The following HPSE variants were observed in gnomAD, a reference collection of about 807,000 sequenced individuals.
HPSE encodes endo-glucoronidase.
A neutral mutation model predicts 65.1 loss-of-function variants in HPSE; 48 were observed. The ratio of observed to expected loss-of-function variants is 0.74; its 90% CI spans 0.58 to 0.94. The LOEUF is 0.94. Among genes scored for constraint, HPSE ranks in the 40% least tolerant of loss-of-function variants. The pLI, the probability that HPSE is intolerant of heterozygous loss-of-function variation, is 0.00. For missense variants in HPSE, 644 were observed against 637.5 expected (o/e 1.01, Z -0.11); for synonymous variants, 243 against 260.0 (o/e 0.93, Z 0.63).
chr4:83,310,735 T>C lies in HPSE; in HGVS notation c.829A>G (p.Lys277Glu). The C allele has an allele frequency of 1.2e-6, 2 of 1,612,288 alleles. No individual in the cohort carries two copies. Among genetic ancestry groups the C allele is most frequent in the Non-Finnish European group, 1.7e-6 (2 of 1,179,416 alleles). The change falls in exon 5 of 12, where the codon AAG becomes GAG. Residue 277 changes from lysine (K) to glutamate (E), a missense_variant. Coordinates refer to ENST00000311412, the MANE Select transcript of HPSE (RefSeq NM_001098540.3). The stretch of plus-strand genomic sequence containing the variant: ...TCTAGTTCCTACCTCTTCAGCATCT[T>C]AGCCGTCTTTCTTCGAGGCTGACCA... ...DVGQPRRKTA[K>E]MLKSFLKAGG...
intron 1 of HPSE, among the ~76,000 whole-genome samples, chr4:83,328,683 G>GCCA (rs1553921142): frequency 6.6e-6 from 1 of 152,066 alleles, no homozygotes; most frequent in Non-Finnish European, 1.5e-5. Context: ...ACAGGCTGCC[G>GCCA]AGGGGAGGGA....
rs1037514917 is a variant in HPSE at position 83,293,763 on chromosome 4, T to C, written c.*1581A>G. ...TTGTCATTAACCATTTTTTATACTA[T>C]CATATCTAACAATCTGTCCTCTCAC... On this transcript the variant is annotated 3_prime_UTR_variant, in exon 12 of 12. Transcript: ENST00000311412. The C allele has an allele frequency of 3.9e-5, 6 of 152,222 alleles. No individual in the cohort carries two copies. The highest frequency in any genetic ancestry group is 1.4e-4 in the African/African-American group (6 of 41,446). The allele number at this position is 152,222 out of a possible 1,614,324, so 9.4% of individuals were successfully genotyped here.
At chr4:83,321,350 A>G (rs1736884879) in intron 2 of HPSE, among the ~76,000 whole-genome samples, 1 of 152,250 alleles carries the variant, frequency 6.6e-6, no homozygotes, top group Non-Finnish European at 1.5e-5. Context: ...TCATAACTGG[A>G]TAAAATAAAC....
upstream of HPSE, chr4:83,334,931 C>G (rs910621541): frequency 2.4e-5 from 30 of 1,256,096 alleles, no homozygotes; most frequent in African/African-American, 4.4e-4. Flanking sequence ...GCCCTCCATC[C>G]CTCCCACTCC....
intron 9 of HPSE, among the ~76,000 whole-genome samples, chr4:83,302,577 A>G (rs1430637625): frequency 6.6e-6 from 1 of 152,212 alleles, no homozygotes; most frequent in Non-Finnish European, 1.5e-5. Context: ...CCAAGAATTC[A>G]AAGCAAAGCT....
rs1438058864 is a variant in HPSE at position 83,315,129 on chromosome 4, G to C, written c.500-1842C>G. ...GATTGTGCCACTGCACTGCAGCCTG[G>C]GTAACAGAGCAAGACTCTGTCTCAA... On this transcript the variant is annotated intron_variant, in intron 3 of 11. Coordinates refer to ENST00000311412, the MANE Select transcript of HPSE (RefSeq NM_001098540.3). Among the ~76,000 whole-genome samples, 7 of 147,178 alleles carry C rather than the reference G, an allele frequency of 4.8e-5. 1 individual carries two copies.
chr4:83,299,286 C>T (rs957014723), intron 11 of HPSE, among the ~76,000 whole-genome samples: 1 of 144,142 alleles, frequency 6.9e-6, no homozygotes, highest in African/African-American at 2.6e-5. Flanking sequence ...ATTGCTTGAA[C>T]CCAGGAGGCG....
intron 1 of HPSE, among the ~76,000 whole-genome samples, chr4:83,324,267 G>A (rs908678179): frequency 2.6e-5 from 4 of 151,810 alleles, no homozygotes; most frequent in African/African-American, 7.3e-5. Context: ...GATTATAGGC[G>A]TGAACCACCA....
At chr4:83,302,748 T>A (rs1328362104) in intron 9 of HPSE, among the ~76,000 whole-genome samples, 1 of 152,020 alleles carries the variant, frequency 6.6e-6, no homozygotes, top group South Asian at 2.1e-4. Flanking sequence ...CTGAAGTGGG[T>A]AGATCACTTG....
At chr4:83,334,448 G>T in intron 1 of HPSE, 108 bp downstream of exon 1, 3 of 1,260,572 alleles carry the variant, frequency 2.4e-6, no homozygotes, top group Non-Finnish European at 3.3e-6. Flanking sequence ...AGGCGGGGAG[G>T]TTCCGGTGTG....
chr4:83,301,225 AG>A, intron 10 of HPSE, 119 bp from the exon 11 acceptor site: 6 of 600,090 alleles, frequency 1.0e-5, no homozygotes, highest in Non-Finnish European at 1.7e-5. Flanking sequence ...ATGCATCCTA[AG>A]TATTAGGATC....
Position 83,322,362 on chromosome 4 carries a change from G to A in HPSE, c.230C>T (p.Ser77Phe). Residue 77 changes from serine (S) to phenylalanine (F), a missense_variant and splice_region_variant, in exon 2 of 12, where the codon TCT becomes TTT. Coordinates refer to ENST00000311412, the MANE Select transcript of HPSE (RefSeq NM_001098540.3). ...TCTGGCCAAGGTACGAAGCTTTGGA[G>A]AACTGTTAGGAAGACAAGCAAGAAA... ...TDPRFLILLGSPKLRTLARGL... is the reference protein window; with the variant it reads ...TDPRFLILLGFPKLRTLARGL... 6.2e-7 allele frequency: 1 copy of A among 1,604,908 alleles called. No individual in the cohort carries two copies. The highest frequency in any genetic ancestry group is 8.5e-7 in the Non-Finnish European group (1 of 1,176,944).
chr4:83,302,602 T>G (rs1201968006), intron 9 of HPSE, among the ~76,000 whole-genome samples: 2 of 152,202 alleles, frequency 1.3e-5, no homozygotes, highest in Admixed American at 6.5e-5. Flanking sequence ...GCCAAACTTT[T>G]AGACACACAC....
In HPSE at chr4:83,319,431, C is replaced by T. The variant is rs765270296; in HGVS notation, c.412G>A (p.Glu138Lys). ...KYGSIPPDVE[E>K]KLRLEWPYQE... Reference sequence around the variant, plus strand: ...TAGGGCCATTCCAACCGTAACTTCTCCTCCACATCAGGAGGGATGGATCCA... The same window carrying T: ...TAGGGCCATTCCAACCGTAACTTCTTCTCCACATCAGGAGGGATGGATCCA... Residue 138 changes from glutamate to lysine, a missense_variant, in exon 3 of 12, where the codon GAG (glutamate) becomes AAG (lysine). Coordinates refer to ENST00000311412, the MANE Select transcript of HPSE (RefSeq NM_001098540.3). 5.0e-6 allele frequency: 8 copies of T among 1,613,746 alleles called. No homozygotes were observed. The Admixed American group carries it at 1.3e-4, about 27-fold the overall frequency.
chr4:83,314,860 A>G (rs1736564987), intron 3 of HPSE, among the ~76,000 whole-genome samples: 1 of 152,164 alleles, frequency 6.6e-6, no homozygotes, highest in African/African-American at 2.4e-5. Context: ...ATAATATTAA[A>G]TATTAGCTAT....
At chr4:83,324,821 C>T (rs1167016512) in intron 1 of HPSE, among the ~76,000 whole-genome samples, 2 of 152,048 alleles carry the variant, frequency 1.3e-5, no homozygotes, top group Non-Finnish European at 2.9e-5. Context: ...TTTGGGAAGA[C>T]GAAGAAGTTC....
At chr4:83,306,512 C>A (rs1204612926) in intron 8 of HPSE, among the ~76,000 whole-genome samples, 195 bp from the exon 9 acceptor site, 1 of 152,166 alleles carries the variant, frequency 6.6e-6, no homozygotes, top group Non-Finnish European at 1.5e-5. Flanking sequence ...AACTCCTGGG[C>A]TCCATTAATC....
intron 1 of HPSE, among the ~76,000 whole-genome samples, chr4:83,327,824 C>T (rs1737210441): frequency 6.6e-6 from 1 of 152,150 alleles, no homozygotes; most frequent in Non-Finnish European, 1.5e-5. Flanking sequence ...CAGCAAAAAC[C>T]ATCAACCAGT....
At chr4:83,311,084 G>A (rs1351151326) in intron 4 of HPSE, among the ~76,000 whole-genome samples, 194 bp from the exon 5 acceptor site, 2 of 152,092 alleles carry the variant, frequency 1.3e-5, no homozygotes, top group Non-Finnish European at 2.9e-5. Flanking sequence ...TGAGACAGGA[G>A]GATCCCCTGA....
Sources: allele counts gnomAD v4.1 joint callset (sites outside exome capture counted in the v4.1 genomes callset), GRCh38; gene constraint gnomAD v4.1.1; transcripts MANE v1.5; gene names NCBI Gene and HGNC (gene_info 2026-07-23, HGNC 2026-07-21).